The following SPRYD3 variants were observed in gnomAD, a reference collection of about 807,000 sequenced individuals.
The protein encoded by SPRYD3 is SPRY domain containing 3.
Under a neutral mutation model 50.1 loss-of-function variants are expected in SPRYD3, and 17 were observed. The observed-to-expected ratio is 0.34, with a 90% CI of 0.23 to 0.51. The LOEUF (loss-of-function observed/expected upper bound fraction) is 0.51. Among genes scored for constraint, SPRYD3 ranks in the 20% least tolerant of loss-of-function variants. The pLI, the probability that SPRYD3 is intolerant of heterozygous loss-of-function variation, is 0.97. For missense variants in SPRYD3, 401 were observed against 591.2 expected (o/e 0.68, Z 3.34); for synonymous variants, 198 against 215.5 (o/e 0.92, Z 0.71).
intron 6 of SPRYD3, among the ~76,000 whole-genome samples, chr12:53,072,555 A>C (rs1203615390): frequency 6.6e-6 from 1 of 152,044 alleles, no homozygotes; most frequent in African/African-American, 2.4e-5. Flanking sequence ...GCGTCCATTC[A>C]CTCCCAATGC....
intron 1 of SPRYD3, among the ~76,000 whole-genome samples, chr12:53,078,614 A>C (rs1043602967): frequency 1.9e-4 from 29 of 152,228 alleles, no homozygotes; most frequent in Non-Finnish European, 1.6e-4. Context: ...GCAGCAGTTC[A>C]CATGAGAAAT....
chr12:53,065,988 G>T lies in SPRYD3; in HGVS notation c.1195-22C>A, dbSNP rs1415970661. ...AAACCTGGGGAGGAGGTGGGGAGAA[G>T]AATGGAGCAAGCAGGCTGTGGCCTC... On this transcript the variant is annotated intron_variant, in intron 10 of 10. Transcript: ENST00000301463. 2.5e-6 allele frequency: 4 copies of T among 1,607,790 alleles called. No individual in the cohort carries two copies. The African/African-American group carries it at 4.0e-5, about 16-fold the overall frequency.
intron 8 of SPRYD3, among the ~76,000 whole-genome samples, chr12:53,067,346 CAAAAG>C (rs1450877597): frequency 1.3e-5 from 2 of 151,570 alleles, no homozygotes; most frequent in Non-Finnish European, 2.9e-5. Context: ...AACCAAGCAG[CAAAAG>C]AAAAAAGAAA....
chr12:53,073,256 G>GGCCCCGGGGGGGGGGGGGGGGGGGC, intron 6 of SPRYD3, 30 bp downstream of exon 6: 3 of 424,130 alleles, frequency 7.1e-6, no homozygotes, highest in Non-Finnish European at 8.8e-6. Context: ...CTCCGACCCA[G>GGCCCCGGGGGGGGGGGGGGGGGGGC]CCCCTCCCAC....
chr12:53,067,982 T>TGG (rs1395832198), intron 7 of SPRYD3, among the ~76,000 whole-genome samples, 173 bp downstream of exon 7: 1 of 151,930 alleles, frequency 6.6e-6, no homozygotes, highest in Admixed American at 6.5e-5. Context: ...CTTGGTCACA[T>TGG]GGGGTGTGTA....
Position 53,066,505 on chromosome 12 carries a change from T to C in SPRYD3, c.1022-19A>G, listed in dbSNP as rs752347633. On this transcript the variant is annotated intron_variant, in intron 9 of 10. Coordinates refer to ENST00000301463, the MANE Select transcript of SPRYD3 (RefSeq NM_032840.3). ...CTGTCCCCTAGGAGACCAGGAAACCTGAGCTCCTGTGGTGCCTTTCCACCC... is the reference window on the plus strand; with the variant it reads ...CTGTCCCCTAGGAGACCAGGAAACCCGAGCTCCTGTGGTGCCTTTCCACCC... The C allele has an allele frequency of 2.5e-6, 4 of 1,614,000 alleles. No homozygotes were observed. Among genetic ancestry groups the C allele is most frequent in the Non-Finnish European group, 3.4e-6 (4 of 1,179,996 alleles).
intron 2 of SPRYD3, among the ~76,000 whole-genome samples, chr12:53,076,235 G>A (rs532281354): frequency 9.8e-4 from 149 of 152,336 alleles, no homozygotes; most frequent in Non-Finnish European, 1.7e-3. Context: ...TTGGAAGACA[G>A]TGATTCAGTT....
intron 1 of SPRYD3, 86 bp from the exon 2 acceptor site, chr12:53,077,347 A>AG: frequency 6.7e-7 from 1 of 1,489,246 alleles, no homozygotes; most frequent in South Asian, 1.2e-5. Context: ...TAGAGAAGGC[A>AG]CTGGCCTTGA....
In SPRYD3 at chr12:53,074,825, C is replaced by A. The variant is rs764045784; in HGVS notation, c.372-41G>T. 6.2e-7 allele frequency: 1 copy of A among 1,608,082 alleles called. No homozygotes were observed. The highest frequency in any genetic ancestry group is 8.5e-7 in the Non-Finnish European group (1 of 1,175,382). Reference sequence around the variant, plus strand: ...TACAGACACAGGACCCGAGCCTGGCCTCCCAACTTCTCCCCAGCACTGACA... The same window carrying A: ...TACAGACACAGGACCCGAGCCTGGCATCCCAACTTCTCCCCAGCACTGACA... On this transcript the variant is annotated intron_variant, in intron 4 of 10. Transcript: ENST00000301463. This position sits in a 1 kb window ranked among gnomAD's most constrained non-coding sequence, Gnocchi z 4.6.
At chr12:53,067,256 A>G (rs1359451162) in intron 8 of SPRYD3, among the ~76,000 whole-genome samples, 1 of 151,952 alleles carries the variant, frequency 6.6e-6, no homozygotes, top group Non-Finnish European at 1.5e-5. Context: ...TAGGGAAGGA[A>G]TGAACACCCA....
At chr12:53,070,080 G>A (rs1944538546) in intron 6 of SPRYD3, among the ~76,000 whole-genome samples, 1 of 152,184 alleles carries the variant, frequency 6.6e-6, no homozygotes, top group East Asian at 1.9e-4. Context: ...CTAAAAGCCA[G>A]GACGGACTAC....
At position 53,074,537 on chromosome 12, in the gene SPRYD3, T is replaced by G. The variant is rs1944574109; in HGVS notation, c.507+112A>C. On this transcript the variant is annotated intron_variant, in intron 5 of 10. Coordinates refer to ENST00000301463, the MANE Select transcript of SPRYD3 (RefSeq NM_032840.3). The surrounding 1 kb of genome is among the most constrained non-coding windows in gnomAD (Gnocchi z 4.6). Reference sequence around the variant, plus strand: ...AGGCTGGACTGGAGGAGATGGGAACTCAGTGCAAGGGTCCCTGGGCAAGCC... The same window carrying G: ...AGGCTGGACTGGAGGAGATGGGAACGCAGTGCAAGGGTCCCTGGGCAAGCC... 3.8e-6 allele frequency: 5 copies of G among 1,314,298 alleles called. No individual in the cohort carries two copies. Among genetic ancestry groups the G allele is most frequent in the Non-Finnish European group, 4.3e-6 (4 of 926,550 alleles). The allele number at this position is 1,314,298 out of a possible 1,614,324, so 81.4% of individuals were successfully genotyped here. A position where few individuals can be genotyped will look rare whatever the true frequency, so the allele number is the denominator to read the frequency against.
chr12:53,066,071 G>A (rs1458368940), intron 10 of SPRYD3, 105 bp from the exon 11 acceptor site: 13 of 1,465,538 alleles, frequency 8.9e-6, no homozygotes, highest in South Asian at 2.6e-5. Context: ...AGCTTCCAGC[G>A]GGGCTGGAGA....
intron 2 of SPRYD3, 95 bp downstream of exon 2, chr12:53,077,020 C>A: frequency 7.7e-7 from 1 of 1,292,548 alleles, no homozygotes; most frequent in Non-Finnish European, 1.1e-6. Context: ...GCACAGTCCC[C>A]TTCTCTGAAA....
At chr12:53,073,039 C>T (rs1944560414) in intron 6 of SPRYD3, 1 of 410,244 alleles carries the variant, frequency 2.4e-6, no homozygotes, top group South Asian at 5.1e-5. Context: ...ACTACTTGTT[C>T]CCAGGGTCAA....
rs750170201 is a variant in SPRYD3, at chr12:53,079,312, G to C, written c.22C>G (p.Arg8Gly). Residue 8 changes from arginine (R) to glycine (G), a missense_variant and splice_region_variant, in exon 1 of 11, where the codon CGG becomes GGG. Transcript: ENST00000301463. ...ACCCCGCCCCCGATCCCCGCCTACCGGGGCCGCCGCGTCCTCCTCATCCAT... is the reference window on the plus strand; with the variant it reads ...ACCCCGCCCCCGATCCCCGCCTACCCGGGCCGCCGCGTCCTCCTCATCCAT... MRRTRRP[R>G]FVLMNKMDDL... 1.1e-5 allele frequency: 18 copies of C among 1,606,900 alleles called. No homozygotes were observed. The highest frequency in any genetic ancestry group is 6.6e-5 in the South Asian group (6 of 90,246).
rs1380396528 is a variant in SPRYD3 at position 53,074,966 on chromosome 12, C to T, written c.371+129G>A. 7.1e-7 allele frequency: 1 copy of T among 1,398,974 alleles called. No homozygotes were observed. Among genetic ancestry groups the T allele is most frequent in the Non-Finnish European group, 9.9e-7 (1 of 1,005,124 alleles). 86.7% of individuals were successfully genotyped at this position (1,398,974 alleles called of 1,614,324 possible). On this transcript the variant is annotated intron_variant, in intron 4 of 10. Transcript: ENST00000301463. The surrounding 1 kb of genome is among the most constrained non-coding windows in gnomAD (Gnocchi z 4.6). ...GTAAGCCTTCAAGGGTGCTGCCAGGCCACTTCCCTGTCCTGACCAGAAAAG... is the reference window on the plus strand; with the variant it reads ...GTAAGCCTTCAAGGGTGCTGCCAGGTCACTTCCCTGTCCTGACCAGAAAAG...
chr12:53,069,481 G>A (rs150149635), intron 6 of SPRYD3, among the ~76,000 whole-genome samples: 1,444 of 141,472 alleles, frequency 0.01, 24 homozygotes, highest in African/African-American at 0.04. Context: ...CCCAGCCTCA[G>A]ACGGCCGCTG....
At chr12:53,068,363 T>C (rs1459753398) in intron 6 of SPRYD3, 59 bp from the exon 7 acceptor site, 1 of 1,596,430 alleles carries the variant, frequency 6.3e-7, no homozygotes, top group Non-Finnish European at 8.5e-7. Flanking sequence ...CCTGGAAACC[T>C]GGGCCCAAGG....
Sources: allele counts gnomAD v4.1 joint callset (sites outside exome capture counted in the v4.1 genomes callset), GRCh38; gene constraint gnomAD v4.1.1; non-coding constraint Gnocchi (gnomAD v3.1); transcripts MANE v1.5; gene names NCBI Gene and HGNC (gene_info 2026-07-23, HGNC 2026-07-21).